The following MGST2 variants were observed in gnomAD, a reference collection of about 807,000 sequenced individuals.
The protein encoded by MGST2 is glutathione peroxidase MGST2.
Under a neutral mutation model 16.6 loss-of-function variants are expected in MGST2, and 9 were observed. The ratio of observed to expected loss-of-function variants is 0.54; its 90% CI spans 0.33 to 0.95. The LOEUF is 0.95. MGST2 is among the 40% of genes least tolerant of loss of function. The pLI is 0.03. For missense variants in MGST2, 159 were observed against 175.1 expected, an observed-to-expected ratio of 0.91 and a Z score of 0.52; for synonymous variants, 79 against 68.0, an observed-to-expected ratio of 1.16 and a Z score of -0.79.
chr4:139,684,378 C>T (rs1308195736), intron 2 of MGST2, among the ~76,000 whole-genome samples: 2 of 152,142 alleles, frequency 1.3e-5, no homozygotes, highest in African/African-American at 4.8e-5. Flanking sequence ...CAAACCATAT[C>T]AGTAGGTAAA....
In MGST2 at chr4:139,703,536, G is replaced by A. The variant is rs754173365; in HGVS notation, c.311G>A (p.Arg104Gln). 11 of 1,613,186 alleles carry A rather than the reference G, an allele frequency of 6.8e-6. No homozygotes were observed. Among genetic ancestry groups the A allele is most frequent in the Admixed American group, 6.7e-5 (4 of 59,982 alleles). ...GGATATTCAGAAGCTGCTAAAAAAC[G>A]GTAAGGAGAACCCAGTAATTTTGTA... ...FWGYSEAAKK[R>Q]ITGFRLSLGI... Residue 104 changes from arginine to glutamine, a missense_variant and splice_region_variant, in exon 4 of 5, where the codon CGG becomes CAG. Arg to Gln is a conservative substitution (Grantham distance 43, BLOSUM62 1). Coordinates refer to ENST00000265498, the MANE Select transcript of MGST2 (RefSeq NM_002413.5).
intron 3 of MGST2, chr4:139,698,235 T>A (rs908299087): frequency 4.2e-4 from 497 of 1,180,692 alleles, no homozygotes; most frequent in Non-Finnish European, 3.8e-4. Flanking sequence ...CAGGTTGGTG[T>A]CTTCAAAAAG....
chr4:139,748,629 G>A, the MGST2 span, among the ~76,000 whole-genome samples: 2 of 147,192 alleles, frequency 1.4e-5, no homozygotes. Context: ...TCAGGATGAG[G>A]TTCAGCTTGA....
At chr4:139,699,769 A>G (rs1452287898) in intron 3 of MGST2, among the ~76,000 whole-genome samples, 1 of 152,212 alleles carries the variant, frequency 6.6e-6, no homozygotes, top group African/African-American at 2.4e-5. Flanking sequence ...CGAGGCCCAG[A>G]AGCTTATGCC....
chr4:139,745,270 A>C (rs1255195939), downstream of MGST2, among the ~76,000 whole-genome samples: 1 of 145,288 alleles, frequency 6.9e-6, no homozygotes, highest in African/African-American at 2.5e-5. Flanking sequence ...AGGCAGATCC[A>C]GCCGACTCGA....
chr4:139,746,888 C>T, the MGST2 span, among the ~76,000 whole-genome samples: 106 of 152,202 alleles, frequency 7.0e-4, no homozygotes, highest in Middle Eastern at 0.017. Context: ...TAGGGAGAAT[C>T]GGGTGGGAGG....
chr4:139,737,557 A>AT (rs142347866), intron 5 of MGST2, among the ~76,000 whole-genome samples: 36,070 of 151,820 alleles, frequency 0.24, 4,852 homozygotes, highest in African/African-American at 0.37. Flanking sequence ...AATATGCATC[A>AT]TTTTTTTTAA....
intron 5 of MGST2, chr4:139,716,627 A>C (rs895475806): frequency 2.0e-5 from 3 of 152,648 alleles, no homozygotes; most frequent in Non-Finnish European, 4.4e-5. Context: ...CCATTAAATA[A>C]ATGTTTAAAG....
rs1458096384 is a variant in MGST2 at position 139,715,007 on chromosome 4, C to G, written c.*48+10811C>G. The stretch of plus-strand genomic sequence containing the variant: ...AATAGCAGTTAACATCCCATAGTGC[C>G]GAACCTGTTCTTAGCCGAGAGGGAC... On this transcript the variant is annotated intron_variant, in intron 5 of 5. Coordinates refer to the MGST2 transcript ENST00000616265. The surrounding 1 kb of genome is among the most constrained non-coding windows in gnomAD (Gnocchi z 4.4). Among the ~76,000 whole-genome samples, 1 of 152,166 alleles carries G rather than the reference C, an allele frequency of 6.6e-6. No individual in the cohort carries two copies. The highest frequency in any genetic ancestry group is 2.1e-4 in the South Asian group (1 of 4,826).
chr4:139,671,162 G>A lies in MGST2; in HGVS notation c.58+5085G>A, dbSNP rs572519171. On this transcript the variant is annotated intron_variant, in intron 1 of 4. Coordinates refer to ENST00000265498, the MANE Select transcript of MGST2 (RefSeq NM_002413.5). ...GCAGTTGTGCCTAAACTCCAAAAGG[G>A]AGGGGGCACAACCAGGTGTGTCCTA... Among the ~76,000 whole-genome samples the A allele has an allele frequency of 3.3e-5, 5 of 152,268 alleles. No individual in the cohort carries two copies. In the East Asian group the frequency reaches 5.8e-4, roughly 18 times the overall value.
chr4:139,696,429 C>G (rs1166282115), intron 3 of MGST2, among the ~76,000 whole-genome samples: 2 of 152,142 alleles, frequency 1.3e-5, no homozygotes, highest in Non-Finnish European at 2.9e-5. Flanking sequence ...TCATCAGAAC[C>G]CTTCTGCCAG....
downstream of MGST2, chr4:139,705,509 T>A (rs1028129106): frequency 6.6e-6 from 1 of 151,448 alleles, no homozygotes; most frequent in African/African-American, 2.4e-5. Context: ...TTTCAGCCAG[T>A]TTTTTTTTAA....
intron 1 of MGST2, among the ~76,000 whole-genome samples, chr4:139,672,505 A>C (rs1322664129): frequency 1.3e-5 from 2 of 151,782 alleles, no homozygotes; most frequent in African/African-American, 4.8e-5. Context: ...CCATCTGTAC[A>C]TTCCTTCTCC....
chr4:139,702,177 T>C (rs1158180809), intron 3 of MGST2, among the ~76,000 whole-genome samples: 1 of 152,214 alleles, frequency 6.6e-6, no homozygotes, highest in Non-Finnish European at 1.5e-5. Context: ...AACATCATCA[T>C]ACTGTATTTC....
Position 139,665,941 on chromosome 4 carries a change from C to G in MGST2, c.-79C>G, listed in dbSNP as rs1038945774. 7.0e-7 allele frequency: 1 copy of G among 1,437,098 alleles called. No homozygotes were observed. The allele number at this position is 1,437,098 out of a possible 1,614,324, so 89.0% of individuals were successfully genotyped here. On this transcript the variant is annotated 5_prime_UTR_variant, in exon 1 of 5. Coordinates refer to ENST00000265498, the MANE Select transcript of MGST2 (RefSeq NM_002413.5). ...CACCCGGTCCCCAACTTTGTTTACC[C>G]GATAAGGAAGGTCAGCATTCAAAGT...
At chr4:139,728,045 A>G (rs558537471) in intron 5 of MGST2, among the ~76,000 whole-genome samples, 28 of 152,178 alleles carry the variant, frequency 1.8e-4, no homozygotes, top group African/African-American at 6.5e-4. Flanking sequence ...GTGAAACCCC[A>G]TCTCTACTAA....
At chr4:139,722,876 C>T (rs1728292994) in intron 5 of MGST2, among the ~76,000 whole-genome samples, 1 of 152,202 alleles carries the variant, frequency 6.6e-6, no homozygotes, top group South Asian at 2.1e-4. Flanking sequence ...TCTGTAAACA[C>T]ATGAAAATAC....
chr4:139,709,078 T>TTTA (rs1727639916), downstream of MGST2, among the ~76,000 whole-genome samples: 1 of 51,652 alleles, frequency 1.9e-5, no homozygotes, highest in East Asian at 3.9e-4. Context: ...AAAATTTTTT[T>TTTA]TTTTTTTTTT....
At chr4:139,734,642 C>T (rs1728859769) in intron 5 of MGST2, among the ~76,000 whole-genome samples, 1 of 152,246 alleles carries the variant, frequency 6.6e-6, no homozygotes, top group South Asian at 2.1e-4. Context: ...GCACCCTTAC[C>T]TCCCCCAAAC....
Sources: allele counts gnomAD v4.1 joint callset (sites outside exome capture counted in the v4.1 genomes callset), GRCh38; gene constraint gnomAD v4.1.1; non-coding constraint Gnocchi (gnomAD v3.1); transcripts MANE v1.5; gene names NCBI Gene and HGNC (gene_info 2026-07-23, HGNC 2026-07-21).